The following TPD52L1 variants were observed in gnomAD, a reference collection of about 807,000 sequenced individuals.
TPD52L1 encodes the protein TPD52 like 1, also known as tumor protein D53.
TPD52L1 carries 18 observed loss-of-function variants against 28.7 expected under a neutral mutation model. The observed-to-expected ratio is 0.63, with a 90% CI of 0.43 to 0.93. The LOEUF (loss-of-function observed/expected upper bound fraction) is 0.93, where lower values mean the gene tolerates loss of function less well. Ranked by LOEUF, TPD52L1 falls within the 40% of genes least tolerant of loss-of-function variation. TPD52L1 has a pLI of 0.00. For synonymous variants in TPD52L1, 75 were observed against 88.8 expected (o/e 0.84, Z 0.88); for missense variants, 203 against 254.8 (o/e 0.80, Z 1.39).
At chr6:125,187,185 T>C (rs1441165596) in intron 1 of TPD52L1, among the ~76,000 whole-genome samples, 1 of 152,170 alleles carries the variant, frequency 6.6e-6, no homozygotes, top group Non-Finnish European at 1.5e-5. Context: ...TGGCCAGCCG[T>C]GTATGAAAAG....
Position 125,153,848 on chromosome 6 carries a change from G to A in TPD52L1, c.-104G>A. The A allele has an allele frequency of 7.3e-7, 1 of 1,366,696 alleles. No individual in the cohort carries two copies. The highest frequency in any genetic ancestry group is 9.8e-7 in the Non-Finnish European group (1 of 1,017,904). The allele number at this position is 1,366,696 out of a possible 1,614,324, so 84.7% of individuals were successfully genotyped here. On this transcript the variant is annotated 5_prime_UTR_variant, in exon 1 of 7. Transcript: ENST00000534000. Reference sequence around the variant, plus strand: ...CTCGCGACACGCGTGCCAGGAGTGGGAGCGAGCGGCGGGGCCAGCTGCGTT... The same window carrying A: ...CTCGCGACACGCGTGCCAGGAGTGGAAGCGAGCGGCGGGGCCAGCTGCGTT...
rs1006494441 is a variant in TPD52L1, at chr6:125,205,285, G to A, written c.20-14793G>A. Among the ~76,000 whole-genome samples the A allele has an allele frequency of 6.6e-5, 10 of 152,154 alleles. No individual in the cohort carries two copies. The South Asian group carries it at 8.3e-4, about 13-fold the overall frequency. On this transcript the variant is annotated intron_variant, in intron 1 of 6. Transcript: ENST00000534000. ...CTTGGTGACCCCGACCTGAAAGGCCGGCTGATCTTATGTGGTAATGAAAGC... is the reference window on the plus strand; with the variant it reads ...CTTGGTGACCCCGACCTGAAAGGCCAGCTGATCTTATGTGGTAATGAAAGC...
intron 1 of TPD52L1, among the ~76,000 whole-genome samples, chr6:125,190,099 T>C (rs1792935426): frequency 6.6e-6 from 1 of 152,112 alleles, no homozygotes; most frequent in South Asian, 2.1e-4. Context: ...TGTCTTTCTA[T>C]GGCTGAAGAC....
intron 1 of TPD52L1, among the ~76,000 whole-genome samples, chr6:125,186,069 T>C (rs1207681512): frequency 6.6e-6 from 1 of 151,986 alleles, no homozygotes; most frequent in Non-Finnish European, 1.5e-5. Flanking sequence ...AATTTTTGTA[T>C]TTTTAGTAGA....
intron 3 of TPD52L1, among the ~76,000 whole-genome samples, chr6:125,234,814 T>C (rs7766584): frequency 0.073 from 11,123 of 152,064 alleles, 818 homozygotes; most frequent in African/African-American, 0.19. Flanking sequence ...AATACATCAT[T>C]GAGTGCCATG....
chr6:125,154,018 A>G lies in TPD52L1; in HGVS notation c.19+48A>G, dbSNP rs1254194919. ...GAGAGTCAGGTCCTGGGGCGCGCAT[A>G]AAGGCTCTTTTCCTGCACCACCTAA... On this transcript the variant is annotated intron_variant, in intron 1 of 6. Coordinates refer to ENST00000534000, the MANE Select transcript of TPD52L1 (RefSeq NM_003287.4). 4 of 1,579,644 alleles carry G rather than the reference A, an allele frequency of 2.5e-6. No individual in the cohort carries two copies. The Admixed American group carries it at 5.4e-5, about 21-fold the overall frequency.
chr6:125,182,132 T>A (rs908115236), intron 1 of TPD52L1, among the ~76,000 whole-genome samples: 3 of 152,216 alleles, frequency 2.0e-5, no homozygotes, highest in Admixed American at 1.3e-4. Flanking sequence ...TAGGTATAGA[T>A]GATGAGTAAC....
chr6:125,196,710 A>G (rs982001518), intron 1 of TPD52L1, among the ~76,000 whole-genome samples: 1 of 152,202 alleles, frequency 6.6e-6, no homozygotes, highest in Non-Finnish European at 1.5e-5. Context: ...ACATCCCTGT[A>G]TTTGATATCA....
intron 4 of TPD52L1, among the ~76,000 whole-genome samples, chr6:125,250,716 G>A (rs1467172605): frequency 6.6e-6 from 1 of 152,204 alleles, no homozygotes; most frequent in Admixed American, 6.5e-5. Flanking sequence ...TGGGTACAAT[G>A]TCAAGGTTGT....
intron 3 of TPD52L1, among the ~76,000 whole-genome samples, chr6:125,242,652 C>T (rs1385651548): frequency 6.6e-6 from 1 of 152,002 alleles, no homozygotes; most frequent in East Asian, 1.9e-4. Context: ...ATATCTTTTT[C>T]CACCTCTTTA....
At chr6:125,214,772 C>T (rs887131278) in intron 1 of TPD52L1, among the ~76,000 whole-genome samples, 1 of 152,120 alleles carries the variant, frequency 6.6e-6, no homozygotes, top group Non-Finnish European at 1.5e-5. Context: ...CTATTACTCC[C>T]CAATTTCATG....
chr6:125,203,628 A>G, intron 1 of TPD52L1: 1 of 985,446 alleles, frequency 1.0e-6, no homozygotes, highest in Non-Finnish European at 1.2e-6. Context: ...TGCTAATGAC[A>G]CAGCAGAAAC....
intron 1 of TPD52L1, among the ~76,000 whole-genome samples, chr6:125,172,539 T>TATTATATTATATATATATATA (rs1562214605): frequency 2.1e-5 from 2 of 95,042 alleles, no homozygotes; most frequent in Non-Finnish European, 4.0e-5. Flanking sequence ...TATATATATA[T>TATTATATTATATATATATATA]ATATATATAT....
At chr6:125,241,761 T>A (rs1238956237) in intron 3 of TPD52L1, among the ~76,000 whole-genome samples, 1 of 152,114 alleles carries the variant, frequency 6.6e-6, no homozygotes, top group African/African-American at 2.4e-5. Flanking sequence ...GTTTATCTTT[T>A]TGAAGAATCA....
In TPD52L1 at chr6:125,263,208, A is replaced by G; in HGVS notation, c.*246A>G. 1 of 508,294 alleles carries G rather than the reference A, an allele frequency of 2.0e-6. No homozygotes were observed. The highest frequency in any genetic ancestry group is 3.5e-6 in the Non-Finnish European group (1 of 287,670). The allele number at this position is 508,294 out of a possible 1,614,324, so 31.5% of individuals were successfully genotyped here. Reference sequence around the variant, plus strand: ...CATTTTAAAATGTTCCCACTTGAGCAGGTACACAACTGGTCATAATTCCTG... The same window carrying G: ...CATTTTAAAATGTTCCCACTTGAGCGGGTACACAACTGGTCATAATTCCTG... On this transcript the variant is annotated 3_prime_UTR_variant, in exon 7 of 7. Coordinates refer to ENST00000534000, the MANE Select transcript of TPD52L1 (RefSeq NM_003287.4).
intron 3 of TPD52L1, among the ~76,000 whole-genome samples, chr6:125,243,652 T>G: frequency 6.6e-6 from 1 of 152,110 alleles, no homozygotes; most frequent in East Asian, 1.9e-4. Flanking sequence ...GTTATGATTG[T>G]TTTTTCCTTA....
intron 4 of TPD52L1, chr6:125,252,895 A>G (rs1005363663): frequency 6.6e-6 from 1 of 152,196 alleles, no homozygotes; most frequent in Non-Finnish European, 1.5e-5. Flanking sequence ...TGGTCCCTGA[A>G]CTATTAGCTC....
At chr6:125,197,440 G>T (rs1266573253) in intron 1 of TPD52L1, among the ~76,000 whole-genome samples, 1 of 152,052 alleles carries the variant, frequency 6.6e-6, no homozygotes, top group Non-Finnish European at 1.5e-5. Context: ...TTATTTTTCG[G>T]CAACTCATTT....
intron 1 of TPD52L1, among the ~76,000 whole-genome samples, chr6:125,158,104 T>C (rs557775424): frequency 3.3e-5 from 5 of 152,274 alleles, no homozygotes; most frequent in South Asian, 2.1e-4. Context: ...ACACTTGTGA[T>C]TTCATTTAGC....
Sources: gnomAD v4.1 joint callset for allele counts (sites outside exome capture counted in the v4.1 genomes callset) on GRCh38, gnomAD v4.1.1 for gene constraint, MANE v1.5 for transcripts, NCBI Gene and HGNC (gene_info 2026-07-23, HGNC 2026-07-21) for gene names.